CCDC171: variants seen among roughly 807,000 people sequenced by gnomAD.
CCDC171 encodes coiled-coil domain containing 171, also known as coiled-coil domain-containing protein 171.
In CCDC171, 177 loss-of-function variants were observed where a neutral mutation model predicts 168.2. That is an observed-to-expected ratio of 1.05 (90% CI 0.93 to 1.19). The LOEUF is 1.19. Ranked by LOEUF, CCDC171 falls within the 50% of genes most tolerant of loss-of-function variation. The pLI, the probability that CCDC171 is intolerant of heterozygous loss-of-function variation, is 0.00. For synonymous variants in CCDC171, 687 were observed against 540.8 expected (o/e 1.27, Z -3.75); for missense variants, 1,991 against 1,539.0 (o/e 1.29, Z -4.91).
chr9:15,826,895 A>T (rs1021614283), intron 21 of CCDC171, among the ~76,000 whole-genome samples: 51 of 152,222 alleles, frequency 3.4e-4, no homozygotes, highest in Non-Finnish European at 1.3e-4. Flanking sequence ...GGAACACATG[A>T]CATATTGTTC....
chr9:15,944,785 C>G (rs1335599892), intron 25 of CCDC171, among the ~76,000 whole-genome samples: 2 of 151,906 alleles, frequency 1.3e-5, no homozygotes, highest in Non-Finnish European at 2.9e-5. Flanking sequence ...AAAGTAACTC[C>G]TTTATTCTAG....
intron 3 of CCDC171, among the ~76,000 whole-genome samples, chr9:15,994,292 T>C (rs1250285479): frequency 6.6e-6 from 1 of 152,160 alleles, no homozygotes; most frequent in Non-Finnish European, 1.5e-5. Context: ...TGTAGGGACA[T>C]GGATGAAGCT....
Position 15,623,371 on chromosome 9 carries a change from A to T in CCDC171, c.780A>T (p.Glu260Asp). The change falls in exon 7 of 26, where the codon GAA (glutamate) becomes GAT (aspartate). Residue 260 changes from glutamate to aspartate, a missense_variant. Glu to Asp is a conservative substitution (Grantham distance 45). Coordinates refer to ENST00000380701, the MANE Select transcript of CCDC171 (RefSeq NM_173550.4). ...DLLRRQTSELEFSTQREERLR... is the reference protein window; with the variant it reads ...DLLRRQTSELDFSTQREERLR... ...TACGGCGACAAACAAGTGAACTTGA[A>T]TTTAGCACTCAACGAGAGGAACGCC... 1.2e-6 allele frequency: 2 copies of T among 1,612,334 alleles called. No individual in the cohort carries two copies. The highest frequency in any genetic ancestry group is 1.7e-6 in the Non-Finnish European group (2 of 1,178,976).
chr9:15,564,970 A>G (rs2039606698), intron 2 of CCDC171, among the ~76,000 whole-genome samples: 1 of 152,116 alleles, frequency 6.6e-6, no homozygotes, highest in African/African-American at 2.4e-5. Flanking sequence ...TTTGAGAAGG[A>G]CTGATCTAGA....
intron 23 of CCDC171, among the ~76,000 whole-genome samples, chr9:15,870,406 C>A (rs770203): frequency 0.87 from 131,923 of 151,764 alleles, 57,394 homozygotes; most frequent in East Asian, 0.96. Context: ...TCATATGGAT[C>A]TATATCTGGT....
At chr9:15,921,769 ACT>A (rs1825361850) in intron 25 of CCDC171, among the ~76,000 whole-genome samples, 1 of 151,522 alleles carries the variant, frequency 6.6e-6, no homozygotes, top group Admixed American at 6.6e-5. Context: ...TGAAGAGGAA[ACT>A]TTTTAAAATT....
At chr9:16,087,882 C>T in the CCDC171 span, among the ~76,000 whole-genome samples, 1 of 151,778 alleles carries the variant, frequency 6.6e-6, no homozygotes, top group Non-Finnish European at 1.5e-5. Context: ...AGTGGCTGGT[C>T]CCGGTGATGA....
intron 6 of CCDC171, among the ~76,000 whole-genome samples, chr9:15,601,829 T>G (rs1030732902): frequency 1.3e-5 from 2 of 152,206 alleles, no homozygotes; most frequent in Non-Finnish European, 2.9e-5. Context: ...CTTTTATTTC[T>G]AAACACTCAG....
chr9:16,056,090 G>A (rs369412688), intron 1 of CCDC171, among the ~76,000 whole-genome samples: 10 of 152,174 alleles, frequency 6.6e-5, no homozygotes, highest in Admixed American at 4.6e-4. Context: ...TAATCTAAAC[G>A]AAACAAAACA....
rs574441786 is a variant in CCDC171, at chr9:15,652,297, C to G, written c.823-4830C>G. The stretch of plus-strand genomic sequence containing the variant: ...AGCATCATTTAATGAAAAGATGAAT[C>G]TTTTCCATTGAGTGGTGATGGCACC... On this transcript the variant is annotated intron_variant, in intron 7 of 25. Coordinates refer to ENST00000380701, the MANE Select transcript of CCDC171 (RefSeq NM_173550.4). Among the ~76,000 whole-genome samples the G allele has an allele frequency of 1.4e-3, 220 of 152,222 alleles. 1 individual carries two copies. The highest frequency in any genetic ancestry group is 5.1e-3 in the African/African-American group (213 of 41,544).
chr9:15,809,687 G>A (rs971197970), intron 21 of CCDC171, among the ~76,000 whole-genome samples: 2 of 152,196 alleles, frequency 1.3e-5, no homozygotes, highest in African/African-American at 4.8e-5. Context: ...CAGGAGTGAA[G>A]CTGCAGACCT....
intron 7 of CCDC171, among the ~76,000 whole-genome samples, chr9:15,649,435 A>C (rs550213166): frequency 6.6e-6 from 1 of 152,240 alleles, no homozygotes; most frequent in African/African-American, 2.4e-5. Flanking sequence ...GCACAGCAAA[A>C]GAAGCTACCA....
In CCDC171 at chr9:15,579,032, G is replaced by A; in HGVS notation, c.352+9G>A. ...CCAAGAAAAACTCTGTGGTAAGACT[G>A]TTTCTATTTCTTCCCAAGTTTAGGG... is the stretch of plus-strand genomic sequence containing the variant. On this transcript the variant is annotated intron_variant, in intron 4 of 25. Coordinates refer to ENST00000380701, the MANE Select transcript of CCDC171 (RefSeq NM_173550.4). The A allele has an allele frequency of 6.2e-7, 1 of 1,609,868 alleles. No homozygotes were observed. The highest frequency in any genetic ancestry group is 1.1e-5 in the South Asian group (1 of 90,728).
intron 23 of CCDC171, among the ~76,000 whole-genome samples, chr9:15,873,753 A>C (rs1353502045): frequency 2.6e-5 from 4 of 152,084 alleles, no homozygotes; most frequent in African/African-American, 7.2e-5. Context: ...ATATTTTCTC[A>C]TTTGTCCAGA....
At chr9:15,932,078 A>G (rs963858353) in intron 25 of CCDC171, among the ~76,000 whole-genome samples, 1 of 151,894 alleles carries the variant, frequency 6.6e-6, no homozygotes, top group Non-Finnish European at 1.5e-5. Flanking sequence ...TGTTTTGGCT[A>G]TTCAGGGTTT....
At chr9:16,071,405 C>T in the CCDC171 span, among the ~76,000 whole-genome samples, 1 of 152,198 alleles carries the variant, frequency 6.6e-6, no homozygotes. Flanking sequence ...CTAAGTCAAG[C>T]CCTCGACCTT....
intron 3 of CCDC171, among the ~76,000 whole-genome samples, chr9:15,992,335 A>G (rs1832228790): frequency 6.6e-6 from 1 of 152,166 alleles, no homozygotes; most frequent in African/African-American, 2.4e-5. Flanking sequence ...AAACCACATG[A>G]TTATCTCAAT....
chr9:15,899,588 G>A (rs1230883750), intron 24 of CCDC171, among the ~76,000 whole-genome samples: 1 of 152,126 alleles, frequency 6.6e-6, no homozygotes, highest in Non-Finnish European at 1.5e-5. Context: ...AGTGCTTAGT[G>A]ATTTTTGAAA....
intron 25 of CCDC171, among the ~76,000 whole-genome samples, chr9:15,931,597 T>G (rs1283367320): frequency 6.6e-6 from 1 of 151,564 alleles, no homozygotes; most frequent in Non-Finnish European, 1.5e-5. Flanking sequence ...CATCATTTCC[T>G]TTGCTGTGCA....
Sources: allele counts gnomAD v4.1 joint callset (sites outside exome capture counted in the v4.1 genomes callset), GRCh38; gene constraint gnomAD v4.1.1; transcripts MANE v1.5; gene names NCBI Gene and HGNC (gene_info 2026-07-23, HGNC 2026-07-21).